Variants in ABCA10 observed in about 807,000 individuals in gnomAD.
ABCA10 encodes ATP binding cassette subfamily A member 10.
In ABCA10, 169 loss-of-function variants were observed where a neutral mutation model predicts 187.5. That is an observed-to-expected ratio of 0.90 (90% CI 0.80 to 1.02). The LOEUF (loss-of-function observed/expected upper bound fraction) is 1.02. Ranked by LOEUF, ABCA10 falls within the 50% of genes least tolerant of loss-of-function variation. The pLI, the probability that ABCA10 is intolerant of heterozygous loss-of-function variation, is 0.00. For synonymous variants in ABCA10, 574 were observed against 601.8 expected (o/e 0.95, Z 0.68); for missense variants, 1,727 against 1,812.4 (o/e 0.95, Z 0.86).
intron 1 of ABCA10, among the ~76,000 whole-genome samples, chr17:69,239,427 C>T (rs1257408179): frequency 1.3e-5 from 2 of 152,116 alleles, no homozygotes; most frequent in Non-Finnish European, 2.9e-5. Context: ...GAAATCAGAT[C>T]AGGGGCCTGT....
chr17:69,218,870 T>C (rs960186795), intron 6 of ABCA10, among the ~76,000 whole-genome samples: 5 of 152,164 alleles, frequency 3.3e-5, no homozygotes, highest in South Asian at 2.1e-4. Flanking sequence ...TTGCCCAAAA[T>C]TATTTGAACT....
Position 69,185,604 on chromosome 17 carries a change from T to C in ABCA10, c.2370A>G (p.Leu790=). Residue 790 remains leucine (L), a synonymous_variant, in exon 20 of 39, where the codon CTA becomes CTG. Transcript: ENST00000690296. ...GAGTTACTTTATACATTATCTTCTC[T>C]AGAATGATGGGGATAAAAGCAATTC... The part of the protein sequence containing the change: ...VLGIAFIPII[L]EKIMYKVTRE... 6.2e-7 allele frequency: 1 copy of C among 1,612,390 alleles called. No individual in the cohort carries two copies. The highest frequency in any genetic ancestry group is 1.1e-5 in the South Asian group (1 of 90,894).
chr17:69,220,808 A>G (rs1261478771), intron 5 of ABCA10, among the ~76,000 whole-genome samples: 1 of 152,216 alleles, frequency 6.6e-6, no homozygotes, highest in Non-Finnish European at 1.5e-5. Context: ...CTGTTTTTGT[A>G]TATAACATTT....
At chr17:69,194,305 A>T in intron 12 of ABCA10, 80 bp downstream of exon 12, 1 of 1,208,788 alleles carries the variant, frequency 8.3e-7, no homozygotes, top group Non-Finnish European at 1.2e-6. Flanking sequence ...AGTCCAATTT[A>T]GAGAAACATT....
Position 69,174,722 on chromosome 17 carries a change from C to CA in ABCA10, c.2932dup (p.Cys978LeufsTer68). On this transcript the variant is annotated frameshift_variant, in exon 24 of 39. Coordinates refer to ENST00000690296, the MANE Select transcript of ABCA10 (RefSeq NM_001377321.1). LOFTEE classifies it high-confidence loss of function. ...TGGAATGTCCACCAGAGCCTGTCCA[C>CA]ACCAGTATGCTGAAGGCCAGAGGCC... is the stretch of plus-strand genomic sequence containing the variant. The CA allele has an allele frequency of 6.2e-7, 1 of 1,609,900 alleles. No individual in the cohort carries two copies. Among genetic ancestry groups the CA allele is most frequent in the South Asian group, 1.1e-5 (1 of 90,160 alleles).
chr17:69,157,912 G>A (rs1400295486), intron 27 of ABCA10, among the ~76,000 whole-genome samples: 1 of 151,706 alleles, frequency 6.6e-6, no homozygotes, highest in African/African-American at 2.4e-5. Flanking sequence ...ACCTTAGGGA[G>A]GGGGGGATTT....
At chr17:69,165,698 T>C (rs956920568) in intron 25 of ABCA10, among the ~76,000 whole-genome samples, 4 of 152,180 alleles carry the variant, frequency 2.6e-5, no homozygotes, top group Non-Finnish European at 5.9e-5. Context: ...AAAGAGTATA[T>C]ACAGTTAACT....
chr17:69,209,007 A>C (rs1035951653), intron 9 of ABCA10, among the ~76,000 whole-genome samples: 6 of 152,208 alleles, frequency 3.9e-5, no homozygotes, highest in African/African-American at 1.4e-4. Flanking sequence ...GCACCACTCC[A>C]CTTCAGCCTG....
At chr17:69,150,419 T>G (rs1568046654) in intron 36 of ABCA10, 3 of 161,568 alleles carry the variant, frequency 1.9e-5, no homozygotes, top group African/African-American at 7.2e-5. Context: ...AGATTGAGAT[T>G]TAATTTTCAA....
rs758623375 is a variant in ABCA10 at position 69,174,722 on chromosome 17, C to T, written c.2933G>A (p.Cys978Tyr). Residue 978 changes from cysteine to tyrosine, a missense_variant, in exon 24 of 39, where the codon TGT becomes TAT. Physicochemically the swap from Cys to Tyr is radical, Grantham distance 194. Coordinates refer to ENST00000690296, the MANE Select transcript of ABCA10 (RefSeq NM_001377321.1). ...ISGLWPSAYW[C>Y]GQALVDIPLY... ...TGGAATGTCCACCAGAGCCTGTCCA[C>T]ACCAGTATGCTGAAGGCCAGAGGCC... The T allele has an allele frequency of 3.7e-6, 6 of 1,609,900 alleles. No individual in the cohort carries two copies. Among genetic ancestry groups the T allele is most frequent in the Non-Finnish European group, 5.1e-6 (6 of 1,178,022 alleles).
intron 36 of ABCA10, 62 bp downstream of exon 36, chr17:69,151,981 C>T: frequency 6.4e-7 from 1 of 1,555,590 alleles, no homozygotes. Context: ...TAGCACAAAA[C>T]TAATTGATGC....
Position 69,185,585 on chromosome 17 carries a change from CT to C in ABCA10, c.2388del (p.Val797Ter). 6.2e-7 allele frequency: 1 copy of C among 1,612,944 alleles called. No individual in the cohort carries two copies. The highest frequency in any genetic ancestry group is 2.2e-5 in the East Asian group (1 of 44,852). On this transcript the variant is annotated frameshift_variant, in exon 20 of 39. Coordinates refer to ENST00000690296, the MANE Select transcript of ABCA10 (RefSeq NM_001377321.1). ...IPIILEKIMYKVTRETHCWEF... is the reference protein window; with the variant it reads ...IPIILEKIMYXVTRETHCWEF... ...TCCCAACAATGAGTTTCACGAGTTA[CT>C]TTATACATTATCTTCTCTAGAATGA...
At chr17:69,163,671 T>TA (rs765047813) in intron 27 of ABCA10, among the ~76,000 whole-genome samples, 2 of 152,182 alleles carry the variant, frequency 1.3e-5, no homozygotes, top group Non-Finnish European at 2.9e-5. Context: ...GAAATAACAT[T>TA]TATATTCGCT....
intron 9 of ABCA10, among the ~76,000 whole-genome samples, chr17:69,203,171 G>C (rs1486594995): frequency 6.6e-6 from 1 of 152,118 alleles, no homozygotes; most frequent in Non-Finnish European, 1.5e-5. Flanking sequence ...TGCAGTTTTA[G>C]AGATATTATG....
chr17:69,184,767 A>G (rs561386838), intron 20 of ABCA10, among the ~76,000 whole-genome samples: 1 of 152,106 alleles, frequency 6.6e-6, no homozygotes, highest in Admixed American at 6.6e-5. Context: ...ATAGCAGCAC[A>G]GTTCACAATT....
At chr17:69,158,048 C>T (rs1203765702) in intron 27 of ABCA10, among the ~76,000 whole-genome samples, 1 of 151,750 alleles carries the variant, frequency 6.6e-6, no homozygotes, top group African/African-American at 2.4e-5. Context: ...TTGATAAATA[C>T]TAGAAACAAA....
upstream of ABCA10, chr17:69,228,879 A>G (rs2074813212): frequency 2.0e-5 from 3 of 152,068 alleles, no homozygotes; most frequent in Admixed American, 2.0e-4. Flanking sequence ...CATACACACA[A>G]AAAAAGAGAT....
At chr17:69,161,983 T>G (rs553335842) in intron 27 of ABCA10, among the ~76,000 whole-genome samples, 1 of 152,264 alleles carries the variant, frequency 6.6e-6, no homozygotes, top group African/African-American at 2.4e-5. Flanking sequence ...GAGGAAAAAA[T>G]TCATCTCTTT....
At position 69,193,561 on chromosome 17, in the gene ABCA10, C is replaced by T. The variant is rs765000753; in HGVS notation, c.1573G>A (p.Ala525Thr). The T allele has an allele frequency of 6.2e-7, 1 of 1,612,912 alleles. No homozygotes were observed. The highest frequency in any genetic ancestry group is 8.5e-7 in the Non-Finnish European group (1 of 1,179,160). Reference protein sequence around the residue: ...LDMQSIQDIIAKKLSGGQKRK... With the variant: ...LDMQSIQDIITKKLSGGQKRK... ...TTCTGCCCACCACTTAATTTTTTAG[C>T]AATAATGTCTTGAATGCTTTGCATG... The change falls in exon 14 of 39, where the codon GCT becomes ACT. Residue 525 changes from alanine to threonine, a missense_variant. Physicochemically the swap from Ala to Thr is moderately conservative, Grantham distance 58. Coordinates refer to ENST00000690296, the MANE Select transcript of ABCA10 (RefSeq NM_001377321.1).
Sources: gnomAD v4.1 joint callset for allele counts (sites outside exome capture counted in the v4.1 genomes callset) on GRCh38, gnomAD v4.1.1 for gene constraint, MANE v1.5 for transcripts, NCBI Gene and HGNC (gene_info 2026-07-23, HGNC 2026-07-21) for gene names.